The following BEND7 variants were observed in gnomAD, a reference collection of about 807,000 sequenced individuals.
BEND7 encodes the protein BEN domain containing 7, also known as BEN domain-containing protein 7.
BEND7 carries 28 observed loss-of-function variants against 50.9 expected under a neutral mutation model. The observed-to-expected ratio is 0.55, with a 90% CI of 0.41 to 0.75. The LOEUF (loss-of-function observed/expected upper bound fraction) is 0.75, where lower values mean the gene tolerates loss of function less well. BEND7 is among the 30% of genes least tolerant of loss of function. The probability of loss-of-function intolerance (pLI) is 0.00; values close to 1 mark genes in which losing one functional copy is unlikely to be tolerated. For missense variants in BEND7, 477 were observed against 491.3 expected (o/e 0.97, Z 0.28); for synonymous variants, 170 against 183.9 (o/e 0.92, Z 0.61).
chr10:13,442,036 C>T (rs749487526), intron 8 of BEND7: 3 of 448,466 alleles, frequency 6.7e-6, no homozygotes, highest in Non-Finnish European at 1.2e-5. Flanking sequence ...TCCCAGAGGG[C>T]CTCTCCTATC....
intron 1 of BEND7, among the ~76,000 whole-genome samples, chr10:13,528,073 T>C (rs2079544623): frequency 6.6e-6 from 1 of 152,054 alleles, no homozygotes; most frequent in African/African-American, 2.4e-5. Context: ...TTCCTCCTTC[T>C]CTTGGCGGGG....
intron 6 of BEND7, among the ~76,000 whole-genome samples, chr10:13,461,186 G>A (rs1455737724): frequency 6.6e-6 from 1 of 152,192 alleles, no homozygotes; most frequent in Admixed American, 6.5e-5. Context: ...CAGTCACAAG[G>A]AAGGGCATGT....
At chr10:13,481,818 C>A (rs1280200658) in intron 5 of BEND7, among the ~76,000 whole-genome samples, 1 of 152,250 alleles carries the variant, frequency 6.6e-6, no homozygotes, top group Non-Finnish European at 1.5e-5. Context: ...TGTGCTAGCA[C>A]ACTGCTTCCC....
chr10:13,442,644 G>T (rs1835501850), intron 8 of BEND7: 2 of 152,168 alleles, frequency 1.3e-5, no homozygotes, highest in Non-Finnish European at 2.9e-5. Flanking sequence ...CCAAAACCCT[G>T]TAGCACTCCG....
intron 4 of BEND7, among the ~76,000 whole-genome samples, chr10:13,495,087 G>T (rs1385254736): frequency 6.6e-6 from 1 of 152,206 alleles, no homozygotes; most frequent in African/African-American, 2.4e-5. Context: ...TTAAATGGTT[G>T]CAATTTGTAG....
downstream of BEND7, chr10:13,439,206 G>C (rs748394130): frequency 4.3e-6 from 7 of 1,613,960 alleles, no homozygotes; most frequent in South Asian, 3.3e-5. Flanking sequence ...AAGGGTAAGA[G>C]ACTTGGCTGA....
chr10:13,503,269 G>A (rs1013595723), intron 2 of BEND7, among the ~76,000 whole-genome samples: 1 of 152,164 alleles, frequency 6.6e-6, no homozygotes, highest in Non-Finnish European at 1.5e-5. Flanking sequence ...AAAACAAAAC[G>A]AAACAAATAC....
intron 2 of BEND7, among the ~76,000 whole-genome samples, chr10:13,524,311 C>T (rs1270489083): frequency 6.6e-5 from 10 of 152,140 alleles, no homozygotes; most frequent in Non-Finnish European, 1.2e-4. Flanking sequence ...TTCGTTATTT[C>T]GAATGGCTAT....
chr10:13,441,952 G>T, intron 8 of BEND7: 1 of 600,508 alleles, frequency 1.7e-6, no homozygotes. Context: ...CCTAAAGCCA[G>T]CTTTTTGTTA....
At chr10:13,528,364 C>A (rs536936193) in intron 1 of BEND7, 109 bp downstream of exon 1, 34 of 384,044 alleles carry the variant, frequency 8.9e-5, no homozygotes, top group African/African-American at 7.5e-4. Context: ...ACCGGGGGAC[C>A]GGGAAGGACC....
At chr10:13,477,888 G>T (rs2075572801) in intron 6 of BEND7, among the ~76,000 whole-genome samples, 1 of 152,180 alleles carries the variant, frequency 6.6e-6, no homozygotes, top group Admixed American at 6.5e-5. Context: ...TCTGTGTGAA[G>T]CTTTCAACAT....
chr10:13,467,483 G>A (rs908678372), intron 6 of BEND7, among the ~76,000 whole-genome samples: 1 of 152,164 alleles, frequency 6.6e-6, no homozygotes, highest in Non-Finnish European at 1.5e-5. Flanking sequence ...GTGGCATACC[G>A]TGGAGGTTTC....
intron 2 of BEND7, among the ~76,000 whole-genome samples, chr10:13,503,829 A>G (rs938064638): frequency 6.6e-6 from 1 of 152,204 alleles, no homozygotes; most frequent in African/African-American, 2.4e-5. Context: ...GTCGGCAGGG[A>G]AGGTTGAAGA....
intron 6 of BEND7, among the ~76,000 whole-genome samples, chr10:13,454,169 G>T (rs1424781399): frequency 6.6e-6 from 1 of 152,138 alleles, no homozygotes; most frequent in East Asian, 1.9e-4. Flanking sequence ...GAGAAGAAAG[G>T]GAAGGTGTGT....
chr10:13,472,286 C>T (rs1389396134), intron 6 of BEND7, among the ~76,000 whole-genome samples: 1 of 152,188 alleles, frequency 6.6e-6, no homozygotes, highest in African/African-American at 2.4e-5. Context: ...GGTCAATACC[C>T]ATCATCACTA....
chr10:13,441,407 G>A lies in BEND7; in HGVS notation c.*336C>T. On this transcript the variant is annotated 3_prime_UTR_variant, in exon 9 of 9. Transcript: ENST00000466271. The stretch of plus-strand genomic sequence containing the variant: ...TACAAAATATGATTTTGCTGTTGCA[G>A]TTTTGATACGTATTTCCAGTGTGTA... 8.8e-7 allele frequency: 1 copy of A among 1,137,574 alleles called. No individual in the cohort carries two copies. The highest frequency in any genetic ancestry group is 1.1e-6 in the Non-Finnish European group (1 of 928,900). The allele number at this position is 1,137,574 out of a possible 1,614,324, so 70.5% of individuals were successfully genotyped here. A position where few individuals can be genotyped will look rare whatever the true frequency, so the allele number is the denominator to read the frequency against.
chr10:13,463,427 G>A (rs917703249), intron 6 of BEND7, among the ~76,000 whole-genome samples: 4 of 152,162 alleles, frequency 2.6e-5, no homozygotes, highest in Non-Finnish European at 4.4e-5. Context: ...GCTCAAAGAC[G>A]AAGGTAGATA....
chr10:13,452,451 G>GAAAT (rs1268965315), intron 7 of BEND7, 88 bp downstream of exon 7: 2 of 1,362,640 alleles, frequency 1.5e-6, no homozygotes, highest in African/African-American at 2.9e-5. Flanking sequence ...ACAAGATGCT[G>GAAAT]AAATAACCTA....
At chr10:13,447,040 G>A (rs1378146382) in intron 8 of BEND7, 1 of 565,432 alleles carries the variant, frequency 1.8e-6, no homozygotes, top group Non-Finnish European at 3.1e-6. Context: ...TTGCTCTTCT[G>A]AGATTTTTAT....
Sources: gnomAD v4.1 joint callset for allele counts (sites outside exome capture counted in the v4.1 genomes callset) on GRCh38, gnomAD v4.1.1 for gene constraint, MANE v1.5 for transcripts, NCBI Gene and HGNC (gene_info 2026-07-23, HGNC 2026-07-21) for gene names.